SLC17A8: variants seen among roughly 807,000 people sequenced by gnomAD.
SLC17A8 encodes vesicular glutamate transporter 3.
A neutral mutation model predicts 58.0 loss-of-function variants in SLC17A8; 31 were observed. That is an observed-to-expected ratio of 0.53 (90% confidence interval 0.40 to 0.72). The LOEUF is 0.72. Among genes scored for constraint, SLC17A8 ranks in the 30% least tolerant of loss-of-function variants. The probability of loss-of-function intolerance (pLI) is 0.00; values close to 1 mark genes in which losing one functional copy is unlikely to be tolerated. For missense variants in SLC17A8, 655 were observed against 727.8 expected, an observed-to-expected ratio of 0.90 and a Z score of 1.15; for synonymous variants, 228 against 249.0, an observed-to-expected ratio of 0.92 and a Z score of 0.79.
At chr12:100,400,033 A>T (rs969795197) in intron 5 of SLC17A8, among the ~76,000 whole-genome samples, 1 of 152,108 alleles carries the variant, frequency 6.6e-6, no homozygotes, top group Non-Finnish European at 1.5e-5. Context: ...TTACCTTGTC[A>T]GGTTGAAGGA....
Position 100,421,243 on chromosome 12 carries a change from A to G in SLC17A8, c.*1084A>G, listed in dbSNP as rs1222793105. On this transcript the variant is annotated 3_prime_UTR_variant, in exon 12 of 12. Coordinates refer to ENST00000323346, the MANE Select transcript of SLC17A8 (RefSeq NM_139319.3). ...TAAAGTTCTTCTGAAAGAATTTTCT[A>G]TTTTTAAAAAATGTATCTCTTTAGC... is the stretch of plus-strand genomic sequence containing the variant. The G allele has an allele frequency of 1.3e-5, 2 of 152,176 alleles. No homozygotes were observed. The highest frequency in any genetic ancestry group is 1.3e-4 in the Admixed American group (2 of 15,272). The allele number at this position is 152,176 out of a possible 1,614,324, so 9.4% of individuals were successfully genotyped here. A position where few individuals can be genotyped will look rare whatever the true frequency, so the allele number is the denominator to read the frequency against.
intron 10 of SLC17A8, among the ~76,000 whole-genome samples, chr12:100,414,904 C>G (rs188778267): frequency 2.0e-5 from 3 of 152,292 alleles, no homozygotes; most frequent in East Asian, 3.9e-4. Flanking sequence ...TAGCAAGTTC[C>G]CCAGAGCTGC....
chr12:100,359,479 T>C (rs1351840018), intron 1 of SLC17A8, among the ~76,000 whole-genome samples: 2 of 152,190 alleles, frequency 1.3e-5, no homozygotes, highest in African/African-American at 2.4e-5. Flanking sequence ...GTTTGAATAG[T>C]TTCCTCAGAA....
At chr12:100,407,691 C>T (rs548178455) in intron 9 of SLC17A8, among the ~76,000 whole-genome samples, 72 of 152,064 alleles carry the variant, frequency 4.7e-4, no homozygotes, top group Middle Eastern at 3.4e-3. Context: ...CTGCAAGTTC[C>T]GCCTCCCAGG....
rs369713670 is a variant in SLC17A8 at position 100,413,931 on chromosome 12, C to T, written c.1297+1051C>T. ...GTTGGAGGTTGCGGTGAGCTGAGTT[C>T]GTGCCACTGCATTCCAGCCTGGATG... On this transcript the variant is annotated intron_variant, in intron 10 of 11. Transcript: ENST00000323346. 8.6e-5 allele frequency among the ~76,000 whole-genome samples: 13 copies of T among 152,000 alleles called. No individual in the cohort carries two copies. The East Asian group carries it at 1.9e-3, about 23-fold the overall frequency.
intron 9 of SLC17A8, among the ~76,000 whole-genome samples, chr12:100,407,979 G>A (rs1157710091): frequency 6.6e-6 from 1 of 152,124 alleles, no homozygotes; most frequent in African/African-American, 2.4e-5. Context: ...AGACCATAAT[G>A]GTCCCACTTT....
chr12:100,417,321 T>G (rs1364902702), intron 10 of SLC17A8, among the ~76,000 whole-genome samples: 1 of 152,222 alleles, frequency 6.6e-6, no homozygotes, highest in Non-Finnish European at 1.5e-5. Context: ...TGCCAAGGGC[T>G]TCACATACCT....
At chr12:100,394,199 T>C (rs1044382252) in intron 4 of SLC17A8, among the ~76,000 whole-genome samples, 9 of 152,208 alleles carry the variant, frequency 5.9e-5, no homozygotes, top group Non-Finnish European at 1.2e-4. Flanking sequence ...CAACCCTCGA[T>C]ATACAGCAAT....
intron 1 of SLC17A8, among the ~76,000 whole-genome samples, chr12:100,377,646 T>A (rs1952604391): frequency 7.0e-6 from 1 of 142,990 alleles, no homozygotes; most frequent in Admixed American, 7.6e-5. Context: ...TGGAATGCAA[T>A]GCCGCTATAT....
chr12:100,371,811 A>G (rs1284675896), intron 1 of SLC17A8, among the ~76,000 whole-genome samples: 1 of 152,192 alleles, frequency 6.6e-6, no homozygotes, highest in South Asian at 2.1e-4. Context: ...GGCCTTCCAA[A>G]TTGTTGGGAT....
chr12:100,400,766 G>C (rs1028560432), intron 5 of SLC17A8, among the ~76,000 whole-genome samples: 4 of 151,936 alleles, frequency 2.6e-5, no homozygotes, highest in Non-Finnish European at 5.9e-5. Context: ...CCAATAATGG[G>C]AGGTCACAGG....
chr12:100,384,878 C>T (rs1952662159), intron 2 of SLC17A8, among the ~76,000 whole-genome samples: 1 of 152,156 alleles, frequency 6.6e-6, no homozygotes, highest in African/African-American at 2.4e-5. Flanking sequence ...CAGAGTCTTT[C>T]ATTGGCTTTT....
chr12:100,392,999 A>G (rs1952727325), intron 3 of SLC17A8, among the ~76,000 whole-genome samples: 1 of 152,162 alleles, frequency 6.6e-6, no homozygotes, highest in Non-Finnish European at 1.5e-5. Flanking sequence ...GTGCCACCAA[A>G]AATTTGTTCA....
At chr12:100,387,096 T>C (rs559939315) in intron 2 of SLC17A8, among the ~76,000 whole-genome samples, 1 of 152,342 alleles carries the variant, frequency 6.6e-6, no homozygotes, top group African/African-American at 2.4e-5. Context: ...TTTTGGATCA[T>C]GATTTCAACT....
At chr12:100,381,670 G>A (rs1232017955) in intron 2 of SLC17A8, among the ~76,000 whole-genome samples, 2 of 152,164 alleles carry the variant, frequency 1.3e-5, no homozygotes, top group African/African-American at 2.4e-5. Flanking sequence ...GACTCCTGGA[G>A]ATGACTAATG....
At chr12:100,376,968 C>G (rs1952598959) in intron 1 of SLC17A8, among the ~76,000 whole-genome samples, 1 of 152,040 alleles carries the variant, frequency 6.6e-6, no homozygotes, top group Admixed American at 6.5e-5. Context: ...CGCCACCATG[C>G]CTGGCTAATT....
chr12:100,361,369 C>T (rs11110350), intron 1 of SLC17A8, among the ~76,000 whole-genome samples: 18,495 of 152,272 alleles, frequency 0.12, 1,527 homozygotes, highest in Non-Finnish European at 0.18. Flanking sequence ...ACTCCTGTCC[C>T]GGCTTTCGCC....
chr12:100,368,145 C>G (rs1952533097), intron 1 of SLC17A8, among the ~76,000 whole-genome samples: 1 of 152,122 alleles, frequency 6.6e-6, no homozygotes, highest in Non-Finnish European at 1.5e-5. Context: ...ACAACAGAAA[C>G]TTATTCTCTC....
intron 8 of SLC17A8, 134 bp downstream of exon 8, chr12:100,402,879 G>C (rs750897995): frequency 5.5e-6 from 5 of 902,214 alleles, no homozygotes; most frequent in Non-Finnish European, 8.3e-6. Flanking sequence ...TAGCCTGGCT[G>C]TCAGACAAGT....
Sources: allele counts gnomAD v4.1 joint callset (sites outside exome capture counted in the v4.1 genomes callset), GRCh38; gene constraint gnomAD v4.1.1; transcripts MANE v1.5; gene names NCBI Gene and HGNC (gene_info 2026-07-23, HGNC 2026-07-21).